The following ANKS1B variants were observed in gnomAD, a reference collection of about 807,000 sequenced individuals.
The protein encoded by ANKS1B is ankyrin repeat and sterile alpha motif domain-containing protein 1B.
In ANKS1B, 36 loss-of-function variants were observed where a neutral mutation model predicts 148.3. The observed-to-expected ratio is 0.24, with a 90% CI of 0.19 to 0.32. The LOEUF (loss-of-function observed/expected upper bound fraction) is 0.32, where lower values mean the gene tolerates loss of function less well. Ranked by LOEUF, ANKS1B falls within the 10% of genes least tolerant of loss-of-function variation. The pLI is 1.00. For missense variants in ANKS1B, 1,157 were observed against 1,542.6 expected (o/e 0.75, Z 4.19); for synonymous variants, 542 against 560.8 (o/e 0.97, Z 0.47).
chr12:99,161,394 T>C (rs1050152672), intron 14 of ANKS1B, among the ~76,000 whole-genome samples: 1 of 152,066 alleles, frequency 6.6e-6, no homozygotes, highest in African/African-American at 2.4e-5. Flanking sequence ...CCAGAGATGA[T>C]GGCATGTGCC....
chr12:99,186,098 C>T (rs561689668), intron 14 of ANKS1B, among the ~76,000 whole-genome samples: 1 of 152,296 alleles, frequency 6.6e-6, no homozygotes, highest in Admixed American at 6.5e-5. Flanking sequence ...AGGCGGTTTT[C>T]CCCTCACAGC....
intron 9 of ANKS1B, among the ~76,000 whole-genome samples, chr12:99,510,411 A>G (rs1484817936): frequency 1.3e-5 from 2 of 151,978 alleles, no homozygotes; most frequent in South Asian, 2.1e-4. Flanking sequence ...GTCAACATCA[A>G]TGAGTCTAGA....
chr12:99,200,219 A>G (rs1220569207), intron 14 of ANKS1B, among the ~76,000 whole-genome samples: 1 of 152,258 alleles, frequency 6.6e-6, no homozygotes, highest in Non-Finnish European at 1.5e-5. Flanking sequence ...AGAAGGTAAC[A>G]TATTACAGTG....
chr12:99,246,201 CT>C, intron 13 of ANKS1B, 73 bp downstream of exon 13: 11 of 1,187,984 alleles, frequency 9.3e-6, no homozygotes, highest in Non-Finnish European at 1.2e-5. Context: ...AGCTAAAAAG[CT>C]GAAAATCCTT....
At chr12:99,516,167 T>C (rs1645478431) in intron 9 of ANKS1B, among the ~76,000 whole-genome samples, 2 of 152,122 alleles carry the variant, frequency 1.3e-5, no homozygotes, top group African/African-American at 4.8e-5. Flanking sequence ...GTGCTCCCAT[T>C]TGTCCATTTT....
At chr12:99,266,937 T>C (rs1458668573) in intron 12 of ANKS1B, among the ~76,000 whole-genome samples, 1 of 152,210 alleles carries the variant, frequency 6.6e-6, no homozygotes, top group Non-Finnish European at 1.5e-5. Flanking sequence ...GTGAATTGCC[T>C]GGTTTACTGT....
chr12:99,461,101 A>G (rs968425856), intron 10 of ANKS1B, among the ~76,000 whole-genome samples: 1 of 151,774 alleles, frequency 6.6e-6, no homozygotes, highest in African/African-American at 2.4e-5. Context: ...ACTTAGCCAT[A>G]AAAAGGAACA....
chr12:99,049,087 G>A (rs2099964275), intron 17 of ANKS1B: 1 of 152,170 alleles, frequency 6.6e-6, no homozygotes, highest in African/African-American at 2.4e-5. Flanking sequence ...AATATTTGAA[G>A]TGCTGACTGA....
intron 9 of ANKS1B, chr12:99,648,714 C>T (rs1420095444): frequency 1.2e-6 from 2 of 1,614,026 alleles, no homozygotes; most frequent in Admixed American, 3.3e-5. Flanking sequence ...TGGAGGCTTA[C>T]AGTGATACCA....
intron 12 of ANKS1B, among the ~76,000 whole-genome samples, chr12:99,301,863 T>C (rs149228925): frequency 9.5e-4 from 145 of 152,036 alleles, no homozygotes; most frequent in African/African-American, 3.3e-3. Context: ...ATTGGAGAGA[T>C]TGGGGTCAAA....
chr12:99,262,643 A>G (rs780591014), intron 12 of ANKS1B, among the ~76,000 whole-genome samples: 4 of 152,096 alleles, frequency 2.6e-5, no homozygotes, highest in East Asian at 1.9e-4. Context: ...TTTTCCCCCA[A>G]TGAAAATAAG....
At position 98,848,883 on chromosome 12, in the gene ANKS1B, C is replaced by T. The variant is rs559885299; in HGVS notation, c.2779-16747G>A. 1.1e-3 allele frequency among the ~76,000 whole-genome samples: 172 copies of T among 151,984 alleles called. 1 individual carries two copies. Among genetic ancestry groups the T allele is most frequent in the African/African-American group, 3.7e-3 (155 of 41,456 alleles). On this transcript the variant is annotated intron_variant, in intron 17 of 26. Coordinates refer to ENST00000683438, the MANE Select transcript of ANKS1B (RefSeq NM_001352186.2). ...CCTCCCAAGTAGCTGGGATTATAGG[C>T]GCCTGCCACCACCCCTGGCTAATTT...
chr12:99,828,134 C>G (rs557814431), intron 1 of ANKS1B, among the ~76,000 whole-genome samples: 1 of 152,230 alleles, frequency 6.6e-6, no homozygotes, highest in African/African-American at 2.4e-5. Context: ...GAATTAAATA[C>G]TACGACATTG....
At chr12:99,755,408 C>T (rs563261758) in intron 8 of ANKS1B, among the ~76,000 whole-genome samples, 2 of 152,002 alleles carry the variant, frequency 1.3e-5, no homozygotes, top group South Asian at 2.1e-4. Context: ...CTAAATTCTA[C>T]CAGATGTACA....
At chr12:99,472,302 T>A (rs1382479995) in intron 10 of ANKS1B, among the ~76,000 whole-genome samples, 1 of 152,148 alleles carries the variant, frequency 6.6e-6, no homozygotes, top group Admixed American at 6.6e-5. Flanking sequence ...GTAACTGATG[T>A]TTCTTCCATC....
At chr12:98,798,649 A>C (rs936215104) in intron 22 of ANKS1B, among the ~76,000 whole-genome samples, 1 of 152,204 alleles carries the variant, frequency 6.6e-6, no homozygotes, top group African/African-American at 2.4e-5. Context: ...TGTTGTAATA[A>C]AGATCATTTT....
At chr12:99,935,708 G>C (rs2153811980) in intron 1 of ANKS1B, among the ~76,000 whole-genome samples, 1 of 152,164 alleles carries the variant, frequency 6.6e-6, no homozygotes, top group Non-Finnish European at 1.5e-5. Context: ...TCTAACTTCA[G>C]AGAAAACCCA....
chr12:99,380,705 G>C (rs773008454), intron 12 of ANKS1B, among the ~76,000 whole-genome samples: 1 of 149,614 alleles, frequency 6.7e-6, no homozygotes, highest in Non-Finnish European at 1.5e-5. Flanking sequence ...ACTTATTTTG[G>C]CTTGTTTATC....
chr12:99,744,720 G>A (rs532637625), intron 8 of ANKS1B, among the ~76,000 whole-genome samples: 10 of 152,236 alleles, frequency 6.6e-5, no homozygotes, highest in Non-Finnish European at 1.3e-4. Flanking sequence ...GGCCAGGTGC[G>A]GTGGCTCATG....
Sources: gnomAD v4.1 joint callset for allele counts (sites outside exome capture counted in the v4.1 genomes callset) on GRCh38, gnomAD v4.1.1 for gene constraint, MANE v1.5 for transcripts, NCBI Gene and HGNC (gene_info 2026-07-23, HGNC 2026-07-21) for gene names.